SNN: variants seen among roughly 807,000 people sequenced by gnomAD.
The protein encoded by SNN is stannin.
Under a neutral mutation model 5.3 loss-of-function variants are expected in SNN, and 5 were observed. The observed-to-expected ratio is 0.94, with a 90% confidence interval of 0.49 to 1.97. SNN has a LOEUF of 1.97. Among genes scored for constraint, SNN ranks in the 30% most tolerant of loss-of-function variants. The pLI, the probability that SNN is intolerant of heterozygous loss-of-function variation, is 0.01. For missense variants in SNN, 127 were observed against 121.6 expected (o/e 1.04, Z -0.21); for synonymous variants, 67 against 52.1 (o/e 1.29, Z -1.24).
In SNN at chr16:11,678,706, G is replaced by A. The variant is rs2050330548; in HGVS notation, c.*2380G>A. ...GGGTTTTCGGGAGGAAAATGAAAAT[G>A]CTTCTAGAATGAGTGAACCACATCA... On this transcript the variant is annotated 3_prime_UTR_variant, in exon 2 of 2. Transcript: ENST00000329565. 1.2e-5 allele frequency: 2 copies of A among 166,526 alleles called. No individual in the cohort carries two copies. The highest frequency in any genetic ancestry group is 4.9e-5 in the African/African-American group (2 of 40,410). 10.3% of individuals were successfully genotyped at this position (166,526 alleles called of 1,614,324 possible).
In SNN at chr16:11,676,045, C is replaced by A; in HGVS notation, c.-15C>A. 1 of 1,562,190 alleles carries A rather than the reference C, an allele frequency of 6.4e-7. No individual in the cohort carries two copies. ...CCCAAAGTGCTGCCAGCCGAGGAAG[C>A]CCCCAGCACTGACCATGTCTATTAT... On this transcript the variant is annotated 5_prime_UTR_variant, in exon 2 of 2. Coordinates refer to ENST00000329565, the MANE Select transcript of SNN (RefSeq NM_003498.6).
rs2050311916 is a variant in SNN at position 11,677,297 on chromosome 16, C to T, written c.*971C>T. On this transcript the variant is annotated 3_prime_UTR_variant, in exon 2 of 2. Coordinates refer to ENST00000329565, the MANE Select transcript of SNN (RefSeq NM_003498.6). The surrounding 1 kb of genome is among the most constrained non-coding windows in gnomAD (Gnocchi z 4.2). ...GTGTTGGTGTTTCCTATTTTCTGCA[C>T]TGGAGGGGAGGGGACTGTTGAGGTT... 2 of 167,298 alleles carry T rather than the reference C, an allele frequency of 1.2e-5. No individual in the cohort carries two copies. Among genetic ancestry groups the T allele is most frequent in the Admixed American group, 6.5e-5 (1 of 15,292 alleles). The allele number at this position is 167,298 out of a possible 1,614,324, so 10.4% of individuals were successfully genotyped here. A position where few individuals can be genotyped will look rare whatever the true frequency, so the allele number is the denominator to read the frequency against.
Position 11,672,117 on chromosome 16 carries a change from T to C in SNN, c.-86+3577T>C, listed in dbSNP as rs2141937899. On this transcript the variant is annotated intron_variant, in intron 1 of 1. Coordinates refer to ENST00000329565, the MANE Select transcript of SNN (RefSeq NM_003498.6). This position sits in a 1 kb window ranked among gnomAD's most constrained non-coding sequence, Gnocchi z 6.0. ...ATCCCCCTGAGAACAGGGTCTCCTC[T>C]AACTCATCACTGTATCTGCAGGGAG... 6.6e-6 allele frequency among the ~76,000 whole-genome samples: 1 copy of C among 152,286 alleles called. No individual in the cohort carries two copies. The highest frequency in any genetic ancestry group is 3.4e-3 in the Middle Eastern group (1 of 294).
chr16:11,673,086 AGGGAGGT>A (rs973602799), intron 1 of SNN, among the ~76,000 whole-genome samples: 4 of 151,902 alleles, frequency 2.6e-5, no homozygotes, highest in South Asian at 2.1e-4. Context: ...TGCAGGGGAG[AGGGAGGT>A]GGGAGGTGGG....
In SNN at chr16:11,670,310, G is replaced by A. The variant is rs201974145; in HGVS notation, c.-86+1770G>A. The stretch of plus-strand genomic sequence containing the variant: ...GGCGTCTGTCAAGGAGCCTCAGGAG[G>A]TGGCGGCTGCAAGGCGGGGGTGTTT... On this transcript the variant is annotated intron_variant, in intron 1 of 1. Transcript: ENST00000329565. Among the ~76,000 whole-genome samples, 6 of 152,326 alleles carry A rather than the reference G, an allele frequency of 3.9e-5. No individual in the cohort carries two copies. The East Asian group carries it at 1.2e-3, about 29-fold the overall frequency.
rs1427146082 is a variant in SNN, at chr16:11,676,005, C to T, written c.-55C>T. The T allele has an allele frequency of 3.9e-6, 6 of 1,528,274 alleles. No individual in the cohort carries two copies. Among genetic ancestry groups the T allele is most frequent in the Non-Finnish European group, 5.3e-6 (6 of 1,137,328 alleles). 94.7% of individuals were successfully genotyped at this position (1,528,274 alleles called of 1,614,324 possible). A position where few individuals can be genotyped will look rare whatever the true frequency, so the allele number is the denominator to read the frequency against. Reference sequence around the variant, plus strand: ...CCGTGTCCAGCCTGAGTTCCAGCCTCACTGAGTGGCCACCCCCAAAGTGCT... The same window carrying T: ...CCGTGTCCAGCCTGAGTTCCAGCCTTACTGAGTGGCCACCCCCAAAGTGCT... On this transcript the variant is annotated 5_prime_UTR_variant, in exon 2 of 2. Coordinates refer to ENST00000329565, the MANE Select transcript of SNN (RefSeq NM_003498.6).
intron 1 of SNN, among the ~76,000 whole-genome samples, chr16:11,675,666 G>A (rs780656992): frequency 9.9e-5 from 15 of 152,176 alleles, no homozygotes; most frequent in Non-Finnish European, 1.9e-4. Flanking sequence ...TGGGCTTCCC[G>A]AAGGCACACC....
intron 1 of SNN, among the ~76,000 whole-genome samples, chr16:11,670,670 G>A (rs1223905478): frequency 6.6e-6 from 1 of 152,272 alleles, no homozygotes; most frequent in African/African-American, 2.4e-5. Flanking sequence ...AGGCCAAGAG[G>A]AGCAGCTTGC....
rs865909922 is a variant in SNN, at chr16:11,678,995, T to C, written c.*2669T>C. 1 of 634,390 alleles carries C rather than the reference T, an allele frequency of 1.6e-6. No homozygotes were observed. The highest frequency in any genetic ancestry group is 2.8e-6 in the Non-Finnish European group (1 of 362,362). The allele number at this position is 634,390 out of a possible 1,614,324, so 39.3% of individuals were successfully genotyped here. A position where few individuals can be genotyped will look rare whatever the true frequency, so the allele number is the denominator to read the frequency against. On this transcript the variant is annotated 3_prime_UTR_variant, in exon 2 of 2. Transcript: ENST00000329565. The stretch of plus-strand genomic sequence containing the variant: ...CAAATCTTCAAACGGACTGTGCTAC[T>C]GTATTTGTCTCAAAGCTACCAAGTT...
Position 11,676,747 on chromosome 16 carries a change from TG to T in SNN, c.*422del, listed in dbSNP as rs2141942180. On this transcript the variant is annotated 3_prime_UTR_variant, in exon 2 of 2. Coordinates refer to ENST00000329565, the MANE Select transcript of SNN (RefSeq NM_003498.6). ...GCGCACACGGGACTGGTATTCTGGCTGTACTAATGACAAGCTGAGTCAAGAC... is the reference window on the plus strand; with the variant it reads ...GCGCACACGGGACTGGTATTCTGGCTTACTAATGACAAGCTGAGTCAAGAC... The T allele has an allele frequency of 5.2e-6, 1 of 191,566 alleles. No individual in the cohort carries two copies. The highest frequency in any genetic ancestry group is 1.3e-4 in the South Asian group (1 of 7,518). The allele number at this position is 191,566 out of a possible 1,614,324, so 11.9% of individuals were successfully genotyped here.
In SNN at chr16:11,678,742, T is replaced by A. The variant is rs2050331402; in HGVS notation, c.*2416T>A. The stretch of plus-strand genomic sequence containing the variant: ...GAGTGAACCACATCATAGCTCTCAC[T>A]GTTTTTTCAATAGCTACTTTTTTTA... On this transcript the variant is annotated 3_prime_UTR_variant, in exon 2 of 2. Transcript: ENST00000329565. 1 of 133,080 alleles carries A rather than the reference T, an allele frequency of 7.5e-6. No homozygotes were observed. The highest frequency in any genetic ancestry group is 7.0e-5 in the Admixed American group (1 of 14,232). 8.2% of individuals were successfully genotyped at this position (133,080 alleles called of 1,614,324 possible).
rs1306766034 is a variant in SNN at position 11,676,150 on chromosome 16, G to A, written c.91G>A (p.Gly31Ser). Residue 31 changes from glycine to serine, a missense_variant, in exon 2 of 2, where the codon GGC becomes AGC. Gly to Ser is a moderately conservative substitution (Grantham distance 56). Transcript: ENST00000329565. ...AIAALGALIL[G>S]CWCYLRLQRI... ...CGCGGCCCTGGGGGCCTTGATCCTGGGCTGCTGGTGCTACCTGCGGCTGCA... is the reference window on the plus strand; with the variant it reads ...CGCGGCCCTGGGGGCCTTGATCCTGAGCTGCTGGTGCTACCTGCGGCTGCA... 8 of 1,614,074 alleles carry A rather than the reference G, an allele frequency of 5.0e-6. No individual in the cohort carries two copies. The Admixed American group carries it at 1.0e-4, about 20-fold the overall frequency.
rs1181659968 is a variant in SNN at position 11,676,528 on chromosome 16, T to C, written c.*202T>C. 1.6e-6 allele frequency: 1 copy of C among 631,982 alleles called. No individual in the cohort carries two copies. The highest frequency in any genetic ancestry group is 2.8e-6 in the Non-Finnish European group (1 of 357,014). The allele number at this position is 631,982 out of a possible 1,614,324, so 39.1% of individuals were successfully genotyped here. On this transcript the variant is annotated 3_prime_UTR_variant, in exon 2 of 2. Transcript: ENST00000329565. ...CTCGGCCTCCAGGTGAGGCTGCCCA[T>C]TGCAGGCACTGGGCAGGCCTGACCT...
In SNN at chr16:11,674,721, C is replaced by G. The variant is rs535435729; in HGVS notation, c.-85-1254C>G. Reference sequence around the variant, plus strand: ...TCCTGGCACTTGCCAGGGGGACCCTCTCTGCCTTCAGAGCCTTAGCCCTCA... The same window carrying G: ...TCCTGGCACTTGCCAGGGGGACCCTGTCTGCCTTCAGAGCCTTAGCCCTCA... On this transcript the variant is annotated intron_variant, in intron 1 of 1. Transcript: ENST00000329565. 5.1e-4 allele frequency among the ~76,000 whole-genome samples: 77 copies of G among 152,344 alleles called. 2 individuals are homozygous for G. The highest frequency in any genetic ancestry group is 1.8e-3 in the African/African-American group (75 of 41,590).
At chr16:11,673,804 G>A (rs1317012563) in intron 1 of SNN, among the ~76,000 whole-genome samples, 5 of 152,196 alleles carry the variant, frequency 3.3e-5, no homozygotes, top group African/African-American at 7.2e-5. Flanking sequence ...TGTAGTGTTC[G>A]GTCCTGCAGG....
At position 11,676,943 on chromosome 16, in the gene SNN, ACCACACCCC is replaced by A. The variant is rs2050308690; in HGVS notation, c.*620_*628del. Reference sequence around the variant, plus strand: ...TTCATTAGTCATGGGTGGAAGAAAAACCACACCCCCCGCACCCCTCCGTTCTTTCTGCAT... The same window carrying A: ...TTCATTAGTCATGGGTGGAAGAAAAACCGCACCCCTCCGTTCTTTCTGCAT... On this transcript the variant is annotated 3_prime_UTR_variant, in exon 2 of 2. Transcript: ENST00000329565. 6.0e-6 allele frequency: 1 copy of A among 167,568 alleles called. No homozygotes were observed. The highest frequency in any genetic ancestry group is 2.4e-5 in the African/African-American group (1 of 41,394). The allele number at this position is 167,568 out of a possible 1,614,324, so 10.4% of individuals were successfully genotyped here. A position where few individuals can be genotyped will look rare whatever the true frequency, so the allele number is the denominator to read the frequency against.
In SNN at chr16:11,676,118, T is replaced by C. The variant is rs2050301717; in HGVS notation, c.59T>C (p.Ile20Thr). 2 of 1,613,998 alleles carry C rather than the reference T, an allele frequency of 1.2e-6. No individual in the cohort carries two copies. Among genetic ancestry groups the C allele is most frequent in the South Asian group, 1.1e-5 (1 of 91,086 alleles). The change falls in exon 2 of 2, where the codon ATT becomes ACT. Residue 20 changes from isoleucine (I) to threonine (T), a missense_variant. Physicochemically the swap from Ile to Thr is moderately conservative, Grantham distance 89. Transcript: ENST00000329565. ...TGVVTVIVIL[I>T]AIAALGALIL... ...GTGGTCACAGTCATCGTCATCCTCA[T>C]TGCCATCGCGGCCCTGGGGGCCTTG...
In SNN at chr16:11,668,731, G is replaced by GGC. The variant is rs1278766237; in HGVS notation, c.-86+191_-86+192insGC. On this transcript the variant is annotated intron_variant, in intron 1 of 1. Transcript: ENST00000329565. The surrounding 1 kb of genome is among the most constrained non-coding windows in gnomAD (Gnocchi z 6.8). ...TCCGTTCCAGGGGCCGCGCCCGCGGGCTGGGGTTCTTTGTCAGCGGCGCTG... is the reference window on the plus strand; with the variant it reads ...TCCGTTCCAGGGGCCGCGCCCGCGGGGCCTGGGGTTCTTTGTCAGCGGCGCTG... Among the ~76,000 whole-genome samples the GGC allele has an allele frequency of 6.7e-6, 1 of 149,738 alleles. No homozygotes were observed. Among genetic ancestry groups the GGC allele is most frequent in the East Asian group, 2.0e-4 (1 of 4,974 alleles).
rs182038952 is a variant in SNN, at chr16:11,675,316, A to G, written c.-85-659A>G. Among the ~76,000 whole-genome samples the G allele has an allele frequency of 5.0e-3, 637 of 127,104 alleles. 4 individuals carry two copies. Among genetic ancestry groups the G allele is most frequent in the African/African-American group, 0.019 (610 of 32,334 alleles). The allele number at this position is 127,104 out of a possible 152,430, so 83.4% of individuals were successfully genotyped here. ...CTCCTGTCGCCCAGGCTGGAGGGCT[A>G]GAGCGCAGTGGTGAGATCTCGGCTC... On this transcript the variant is annotated intron_variant, in intron 1 of 1. Transcript: ENST00000329565.
Sources: gnomAD v4.1 joint callset for allele counts (sites outside exome capture counted in the v4.1 genomes callset) on GRCh38, gnomAD v4.1.1 for gene constraint, Gnocchi (gnomAD v3.1) non-coding constraint, MANE v1.5 for transcripts, NCBI Gene and HGNC (gene_info 2026-07-23, HGNC 2026-07-21) for gene names.